The following SLC10A7 variants were observed in gnomAD, a reference collection of about 807,000 sequenced individuals.
SLC10A7 encodes solute carrier family 10 member 7, also known as sodium/bile acid cotransporter 7.
A neutral mutation model predicts 43.2 loss-of-function variants in SLC10A7; 29 were observed. The ratio of observed to expected loss-of-function variants is 0.67; its 90% CI spans 0.50 to 0.92. SLC10A7 has a LOEUF of 0.92. SLC10A7 is among the 40% of genes least tolerant of loss of function. The pLI is 0.00. For synonymous variants in SLC10A7, 152 were observed against 144.8 expected, an observed-to-expected ratio of 1.05 and a Z score of -0.35; for missense variants, 295 against 403.2, an observed-to-expected ratio of 0.73 and a Z score of 2.30.
At chr4:146,502,264 A>G (rs909518611) in intron 4 of SLC10A7, among the ~76,000 whole-genome samples, 2 of 152,224 alleles carry the variant, frequency 1.3e-5, no homozygotes, top group African/African-American at 4.8e-5. Context: ...CCAAATGTTG[A>G]CTAGGATGTA....
chr4:146,519,268 ATAT>A (rs1362457386), intron 1 of SLC10A7, among the ~76,000 whole-genome samples: 2 of 143,062 alleles, frequency 1.4e-5, no homozygotes, highest in East Asian at 2.0e-4. Context: ...AATATATAAC[ATAT>A]TATATACAAT....
In SLC10A7 at chr4:146,468,473, A is replaced by ATTTTTTTTTTTTTTTTTTTTTTTTTTTTT. The variant is rs368637891; in HGVS notation, c.397-25653_397-25652insAAAAAAAAAAAAAAAAAAAAAAAAAAAAA. Among the ~76,000 whole-genome samples the ATTTTTTTTTTTTTTTTTTTTTTTTTTTTT allele has an allele frequency of 2.1e-5, 3 of 143,580 alleles. No homozygotes were observed. In the East Asian group the frequency reaches 6.3e-4, roughly 30 times the overall value. 94.2% of individuals were successfully genotyped at this position (143,580 alleles called of 152,430 possible). A position where few individuals can be genotyped will look rare whatever the true frequency, so the allele number is the denominator to read the frequency against. ...TTTATTTATTCTAACTTATATTTTAATTTTTTTTTTTTTTGAGATGGAGTC... is the reference window on the plus strand; with the variant it reads ...TTTATTTATTCTAACTTATATTTTAATTTTTTTTTTTTTTTTTTTTTTTTTTTTTTTTTTTTTTTTTTTGAGATGGAGTC... On this transcript the variant is annotated intron_variant, in intron 4 of 11. Coordinates refer to ENST00000335472, the MANE Select transcript of SLC10A7 (RefSeq NM_001029998.6).
At chr4:146,456,541 C>G (rs1732068122) in intron 4 of SLC10A7, among the ~76,000 whole-genome samples, 1 of 151,892 alleles carries the variant, frequency 6.6e-6, no homozygotes, top group Admixed American at 6.6e-5. Flanking sequence ...TTCACTAATT[C>G]ACTAGAATAA....
At chr4:146,353,940 G>C (rs2149750110) in intron 5 of SLC10A7, among the ~76,000 whole-genome samples, 1 of 143,744 alleles carries the variant, frequency 7.0e-6, no homozygotes, top group South Asian at 2.3e-4. Flanking sequence ...CATACTGAAT[G>C]GGCAAAAACT....
chr4:146,476,404 G>A lies in SLC10A7; in HGVS notation c.396+27445C>T, dbSNP rs143171087. On this transcript the variant is annotated intron_variant, in intron 4 of 11. Coordinates refer to ENST00000335472, the MANE Select transcript of SLC10A7 (RefSeq NM_001029998.6). The stretch of plus-strand genomic sequence containing the variant: ...AAATACATTAAGAAGTAAGTGGTCA[G>A]CAGTATTGACAACTTCTGAAAGACA... Among the ~76,000 whole-genome samples the A allele has an allele frequency of 8.7e-3, 1,327 of 152,268 alleles. 9 individuals are homozygous for A. The highest frequency in any genetic ancestry group is 0.02 in the Middle Eastern group (6 of 294).
At position 146,447,309 on chromosome 4, in the gene SLC10A7, A is replaced by G. The variant is rs937525816; in HGVS notation, c.397-4488T>C. Among the ~76,000 whole-genome samples, 3 of 152,212 alleles carry G rather than the reference A, an allele frequency of 2.0e-5. No homozygotes were observed. The South Asian group carries it at 6.2e-4, about 32-fold the overall frequency. On this transcript the variant is annotated intron_variant, in intron 4 of 11. Coordinates refer to ENST00000335472, the MANE Select transcript of SLC10A7 (RefSeq NM_001029998.6). ...TTTTTTGTAGAGACAGGGTTTCCCTATGTTGCCCAGGCTGGTCTTGAACTC... is the reference window on the plus strand; with the variant it reads ...TTTTTTGTAGAGACAGGGTTTCCCTGTGTTGCCCAGGCTGGTCTTGAACTC...
intron 8 of SLC10A7, among the ~76,000 whole-genome samples, chr4:146,293,380 G>C (rs1730569345): frequency 6.6e-6 from 1 of 152,146 alleles, no homozygotes; most frequent in Non-Finnish European, 1.5e-5. Flanking sequence ...TGGGATAACA[G>C]GATAAATAGA....
At chr4:146,345,485 C>A (rs539238986) in intron 5 of SLC10A7, among the ~76,000 whole-genome samples, 1 of 152,202 alleles carries the variant, frequency 6.6e-6, no homozygotes, top group South Asian at 2.1e-4. Context: ...GCTCTCTATA[C>A]GCTAGCCACA....
intron 10 of SLC10A7, among the ~76,000 whole-genome samples, chr4:146,275,407 C>T (rs1258054284): frequency 6.6e-6 from 1 of 152,172 alleles, no homozygotes; most frequent in Non-Finnish European, 1.5e-5. Flanking sequence ...TGTTTCACAG[C>T]ACAGGGCTCT....
chr4:146,375,851 C>T (rs951747229), intron 5 of SLC10A7, among the ~76,000 whole-genome samples: 2 of 152,202 alleles, frequency 1.3e-5, no homozygotes, highest in African/African-American at 2.4e-5. Flanking sequence ...GTGTCGGATC[C>T]CACAGGTTGA....
At chr4:146,487,376 G>A (rs74376227) in intron 4 of SLC10A7, among the ~76,000 whole-genome samples, 3,892 of 152,188 alleles carry the variant, frequency 0.026, 85 homozygotes, top group Non-Finnish European at 0.039. Context: ...CAAGGTTTGA[G>A]CTTCCTTGCA....
At chr4:146,325,908 G>C in intron 6 of SLC10A7, 53 bp downstream of exon 6, 5 of 1,485,278 alleles carry the variant, frequency 3.4e-6, no homozygotes, top group Non-Finnish European at 4.6e-6. Context: ...TTTCTTAAAG[G>C]GTTGTAGATA....
At chr4:146,264,544 A>T (rs927715219) in intron 10 of SLC10A7, among the ~76,000 whole-genome samples, 1 of 152,080 alleles carries the variant, frequency 6.6e-6, no homozygotes, top group Admixed American at 6.6e-5. Flanking sequence ...GGTGGTAGGG[A>T]TATCAGGAGA....
At chr4:146,397,505 A>G (rs952535321) in intron 5 of SLC10A7, among the ~76,000 whole-genome samples, 2 of 152,196 alleles carry the variant, frequency 1.3e-5, no homozygotes, top group Non-Finnish European at 2.9e-5. Flanking sequence ...TGAAGAAACC[A>G]TAACTATGTT....
intron 4 of SLC10A7, 50 bp downstream of exon 4, chr4:146,503,799 T>C (rs1736639284): frequency 6.5e-7 from 1 of 1,538,866 alleles, no homozygotes; most frequent in South Asian, 1.1e-5. Flanking sequence ...ATTTTTGAAA[T>C]AAAAGCACAG....
At chr4:146,385,345 T>TA in intron 5 of SLC10A7, among the ~76,000 whole-genome samples, 2 of 152,282 alleles carry the variant, frequency 1.3e-5, no homozygotes, top group East Asian at 3.9e-4. Flanking sequence ...GCCATTACTT[T>TA]AAAAAATGCC....
intron 5 of SLC10A7, among the ~76,000 whole-genome samples, chr4:146,407,141 C>T (rs1727773654): frequency 6.6e-6 from 1 of 152,120 alleles, no homozygotes; most frequent in Non-Finnish European, 1.5e-5. Context: ...AGAAGTCAAG[C>T]TATGGCAAGT....
chr4:146,293,948 C>A lies in SLC10A7; in HGVS notation c.703G>T (p.Val235Phe), dbSNP rs148698801. ...PNIDLDKFSL[V>F]LILFIIFSIQ... ...AACTTACTTATGAACAGTATGAGAA[C>A]AAGGCTGAATTTATCCAGGTCAATA... Residue 235 changes from valine to phenylalanine, a missense_variant, in exon 8 of 12, where the codon GTT becomes TTT. Coordinates refer to ENST00000335472, the MANE Select transcript of SLC10A7 (RefSeq NM_001029998.6). 9.9e-5 allele frequency: 159 copies of A among 1,612,366 alleles called. No individual in the cohort carries two copies. The highest frequency in any genetic ancestry group is 3.3e-5 in the Admixed American group (2 of 59,956).
intron 9 of SLC10A7, among the ~76,000 whole-genome samples, chr4:146,286,271 CGTGTTTGGAGTGGTGAGAAGGACT>C (rs1729932539): frequency 6.7e-5 from 1 of 14,850 alleles, no homozygotes; most frequent in African/African-American, 4.9e-4. Flanking sequence ...TGAGAAGGAC[CGTGTTTGGAGTGGTGAGAAGGACT>C]GAGTTTGGAG....
Sources: allele counts gnomAD v4.1 joint callset (sites outside exome capture counted in the v4.1 genomes callset), GRCh38; gene constraint gnomAD v4.1.1; transcripts MANE v1.5; gene names NCBI Gene and HGNC (gene_info 2026-07-23, HGNC 2026-07-21).